The following FAM163A variants were observed in gnomAD, a reference collection of about 807,000 sequenced individuals.
The protein encoded by FAM163A is family with sequence similarity 163 member A, also known as protein FAM163A.
Under a neutral mutation model 12.0 loss-of-function variants are expected in FAM163A, and 7 were observed. That is an observed-to-expected ratio of 0.58 (90% confidence interval 0.33 to 1.10). The LOEUF (loss-of-function observed/expected upper bound fraction) is 1.10, where lower values mean the gene tolerates loss of function less well. FAM163A is among the 50% of genes least tolerant of loss of function. The pLI, the probability that FAM163A is intolerant of heterozygous loss-of-function variation, is 0.03. For synonymous variants in FAM163A, 101 were observed against 91.0 expected (o/e 1.11, Z -0.62); for missense variants, 202 against 218.6 (o/e 0.92, Z 0.48).
chr1:179,812,141 C>T lies in FAM163A; in HGVS notation c.-23+10C>T, dbSNP rs900168597. On this transcript the variant is annotated intron_variant, in intron 3 of 4. Coordinates refer to ENST00000341785, the MANE Select transcript of FAM163A (RefSeq NM_173509.3). ...GTTCCCTTTACTGAATGTAAGTGAT[C>T]GTAGTCATTTTTCCATCTCCAAGAT... 22 of 152,638 alleles carry T rather than the reference C, an allele frequency of 1.4e-4. No individual in the cohort carries two copies. The highest frequency in any genetic ancestry group is 5.3e-4 in the African/African-American group (22 of 41,424). 9.5% of individuals were successfully genotyped at this position (152,638 alleles called of 1,614,324 possible).
intron 1 of FAM163A, among the ~76,000 whole-genome samples, chr1:179,777,206 T>C (rs1689102681): frequency 6.6e-6 from 1 of 152,234 alleles, no homozygotes. Context: ...AGTACCTATC[T>C]TCTGGGTATA....
Position 179,815,095 on chromosome 1 carries a change from A to ACGCGCGCG in FAM163A, c.*914_*921dup, listed in dbSNP as rs3075114. ...TGCATAACCGTTCCCAGGTGTACGC[A>ACGCGCGCG]CGCGCGCGCGCGCGCACAGACACAC... On this transcript the variant is annotated 3_prime_UTR_variant, in exon 5 of 5. Transcript: ENST00000341785. The ACGCGCGCG allele has an allele frequency of 6.2e-5, 8 of 129,054 alleles. No individual in the cohort carries two copies. The highest frequency in any genetic ancestry group is 2.9e-4 in the African/African-American group (8 of 27,530). 8.0% of individuals were successfully genotyped at this position (129,054 alleles called of 1,614,324 possible). A position where few individuals can be genotyped will look rare whatever the true frequency, so the allele number is the denominator to read the frequency against.
At chr1:179,786,151 T>C (rs1013299625) in intron 1 of FAM163A, among the ~76,000 whole-genome samples, 1 of 152,238 alleles carries the variant, frequency 6.6e-6, no homozygotes, top group African/African-American at 2.4e-5. Flanking sequence ...TTTAAAAAGA[T>C]GTTATTTTGT....
chr1:179,744,760 C>G (rs977109670), intron 1 of FAM163A, among the ~76,000 whole-genome samples: 1 of 152,162 alleles, frequency 6.6e-6, no homozygotes, highest in Non-Finnish European at 1.5e-5. Context: ...GGGCCCCATC[C>G]TGAGATTCCG....
At chr1:179,744,176 G>C (rs909622610) in intron 1 of FAM163A, among the ~76,000 whole-genome samples, 1 of 152,210 alleles carries the variant, frequency 6.6e-6, no homozygotes, top group Admixed American at 6.5e-5. Context: ...CAGGACAGCG[G>C]GGGTAGGACG....
At chr1:179,789,472 G>A (rs1691130801) in intron 1 of FAM163A, among the ~76,000 whole-genome samples, 1 of 152,304 alleles carries the variant, frequency 6.6e-6, no homozygotes, top group East Asian at 1.9e-4. Flanking sequence ...GTGAGCCACC[G>A]CCCCCGGCAG....
chr1:179,748,205 C>G (rs1684774444), intron 1 of FAM163A, among the ~76,000 whole-genome samples: 1 of 152,192 alleles, frequency 6.6e-6, no homozygotes, highest in Non-Finnish European at 1.5e-5. Flanking sequence ...TTAGCCAGGG[C>G]TCACCTCTGA....
At chr1:179,810,328 C>G (rs1007987505) in intron 2 of FAM163A, among the ~76,000 whole-genome samples, 1 of 152,108 alleles carries the variant, frequency 6.6e-6, no homozygotes, top group African/African-American at 2.4e-5. Context: ...GAAGGATGGG[C>G]AGGATTTAAA....
upstream of FAM163A, among the ~76,000 whole-genome samples, chr1:179,738,945 T>C (rs1012127805): frequency 6.6e-6 from 1 of 152,186 alleles, no homozygotes; most frequent in Admixed American, 6.6e-5. Context: ...TAATCAAGAC[T>C]GTATGGTATT....
At chr1:179,733,624 AT>A in the FAM163A span, among the ~76,000 whole-genome samples, 2 of 151,976 alleles carry the variant, frequency 1.3e-5, no homozygotes, top group Non-Finnish European at 2.9e-5. Flanking sequence ...ATCCCCCATA[AT>A]TTATGGGAGT....
At chr1:179,748,148 A>G (rs77221494) in intron 1 of FAM163A, among the ~76,000 whole-genome samples, 4 of 152,196 alleles carry the variant, frequency 2.6e-5, no homozygotes, top group East Asian at 1.9e-4. Flanking sequence ...TGGAAAAAAC[A>G]GCCTGAGACC....
In FAM163A at chr1:179,797,785, T is replaced by C. The variant is rs577003716; in HGVS notation, c.-135-10013T>C. Among the ~76,000 whole-genome samples the C allele has an allele frequency of 9.2e-5, 14 of 152,298 alleles. No individual in the cohort carries two copies. In the East Asian group the frequency reaches 2.7e-3, roughly 29 times the overall value. On this transcript the variant is annotated intron_variant, in intron 1 of 4. Coordinates refer to ENST00000341785, the MANE Select transcript of FAM163A (RefSeq NM_173509.3). ...TGCTCTCTCAGAATACTGATTCTAATAGTCAACAAGGCCAACTTCTAGAAG... is the reference window on the plus strand; with the variant it reads ...TGCTCTCTCAGAATACTGATTCTAACAGTCAACAAGGCCAACTTCTAGAAG...
chr1:179,752,636 G>T (rs10913876), intron 1 of FAM163A, among the ~76,000 whole-genome samples: 35,348 of 152,026 alleles, frequency 0.23, 4,808 homozygotes, highest in East Asian at 0.63. Flanking sequence ...ATGGGCTAAA[G>T]ACTTTGATAG....
intron 1 of FAM163A, among the ~76,000 whole-genome samples, chr1:179,760,834 T>G (rs368746689): frequency 1.0e-3 from 152 of 152,332 alleles, no homozygotes; most frequent in African/African-American, 3.5e-3. Flanking sequence ...CATCTCTTCT[T>G]GTATGTCCCA....
chr1:179,750,871 G>A (rs1470551827), intron 1 of FAM163A, among the ~76,000 whole-genome samples: 1 of 152,212 alleles, frequency 6.6e-6, no homozygotes, highest in African/African-American at 2.4e-5. Context: ...AGTTTGTAGT[G>A]GTGGTGGAGA....
At chr1:179,798,303 G>A (rs761063277) in intron 1 of FAM163A, among the ~76,000 whole-genome samples, 4 of 152,128 alleles carry the variant, frequency 2.6e-5, no homozygotes, top group South Asian at 2.1e-4. Flanking sequence ...GTTCCCATCC[G>A]TGTGGCTGAG....
intron 1 of FAM163A, among the ~76,000 whole-genome samples, chr1:179,788,822 C>G (rs1468744573): frequency 6.6e-6 from 1 of 152,218 alleles, no homozygotes; most frequent in East Asian, 1.9e-4. Flanking sequence ...GCTGTGACTA[C>G]CTTCCAGTGC....
At chr1:179,807,410 C>T (rs1694090076) in intron 1 of FAM163A, among the ~76,000 whole-genome samples, 1 of 152,146 alleles carries the variant, frequency 6.6e-6, no homozygotes, top group African/African-American at 2.4e-5. Flanking sequence ...CAGGGTCAGT[C>T]ATGCAGGCAA....
chr1:179,737,609 G>A, the FAM163A span, among the ~76,000 whole-genome samples: 1 of 152,306 alleles, frequency 6.6e-6, no homozygotes, highest in Non-Finnish European at 1.5e-5. Flanking sequence ...GCCGAGGCGG[G>A]CAGATCACAA....
Sources: gnomAD v4.1 joint callset for allele counts (sites outside exome capture counted in the v4.1 genomes callset) on GRCh38, gnomAD v4.1.1 for gene constraint, MANE v1.5 for transcripts, NCBI Gene and HGNC (gene_info 2026-07-23, HGNC 2026-07-21) for gene names.